The following CCDC83 variants were observed in gnomAD, a reference collection of about 807,000 sequenced individuals.
The protein encoded by CCDC83 is coiled-coil domain containing 83, also known as coiled-coil domain-containing protein 83.
Under a neutral mutation model 50.1 loss-of-function variants are expected in CCDC83, and 54 were observed. The observed-to-expected ratio is 1.08, with a 90% confidence interval of 0.87 to 1.35. The LOEUF (loss-of-function observed/expected upper bound fraction) is 1.35. CCDC83 is among the 40% of genes most tolerant of loss of function. The pLI is 0.00. For synonymous variants in CCDC83, 161 were observed against 153.3 expected, an observed-to-expected ratio of 1.05 and a Z score of -0.37; for missense variants, 518 against 473.9, an observed-to-expected ratio of 1.09 and a Z score of -0.86.
Position 85,898,981 on chromosome 11 carries a change from T to C in CCDC83, c.638T>C (p.Leu213Pro), listed in dbSNP as rs2093387971. The C allele has an allele frequency of 6.2e-7, 1 of 1,612,662 alleles. No homozygotes were observed. Among genetic ancestry groups the C allele is most frequent in the Non-Finnish European group, 8.5e-7 (1 of 1,179,112 alleles). The change falls in exon 7 of 11, where the codon CTA (leucine) becomes CCA (proline). Residue 213 changes from leucine (L) to proline (P), a missense_variant. Coordinates refer to ENST00000342404, the MANE Select transcript of CCDC83 (RefSeq NM_001286159.2). Reference protein sequence around the residue: ...AVKLIDKGSYLEIWENDWLKK... With the variant: ...AVKLIDKGSYPEIWENDWLKK... ...AAGCTCATTGACAAGGGCAGTTATC[T>C]AGAGATCTGGGAGAATGACTGGCTC... is the stretch of plus-strand genomic sequence containing the variant.
At chr11:85,893,043 TAGG>T (rs1040092952) in intron 5 of CCDC83, among the ~76,000 whole-genome samples, 2 of 152,106 alleles carry the variant, frequency 1.3e-5, no homozygotes, top group African/African-American at 4.8e-5. Context: ...CCCCACAAGT[TAGG>T]AGAACTCTCC....
chr11:85,915,189 G>T (rs890286577), intron 8 of CCDC83, among the ~76,000 whole-genome samples: 1 of 152,072 alleles, frequency 6.6e-6, no homozygotes, highest in Admixed American at 6.6e-5. Context: ...GCTTCTTTCT[G>T]CATCCCATTA....
intron 3 of CCDC83, among the ~76,000 whole-genome samples, chr11:85,876,478 T>C (rs1323530632): frequency 3.9e-5 from 6 of 152,176 alleles, no homozygotes; most frequent in Admixed American, 2.6e-4. Context: ...TGGAACTCTC[T>C]GCTCTGTTTT....
intron 5 of CCDC83, among the ~76,000 whole-genome samples, chr11:85,890,565 C>T (rs2093346690): frequency 1.3e-5 from 2 of 152,192 alleles, no homozygotes; most frequent in Non-Finnish European, 2.9e-5. Flanking sequence ...AATGGGGAAG[C>T]TTGTCCTCCA....
intron 1 of CCDC83, among the ~76,000 whole-genome samples, chr11:85,857,260 T>C (rs1348752208): frequency 6.6e-6 from 1 of 152,158 alleles, no homozygotes; most frequent in Non-Finnish European, 1.5e-5. Context: ...ATAGGACCCA[T>C]GGAGATGGCC....
At chr11:85,899,516 C>G (rs1446473764) in intron 7 of CCDC83, among the ~76,000 whole-genome samples, 1 of 152,192 alleles carries the variant, frequency 6.6e-6, no homozygotes. Context: ...CCTCATCTGT[C>G]TAGAAAACTC....
chr11:85,918,545 T>C (rs1217525484), intron 10 of CCDC83, among the ~76,000 whole-genome samples: 3 of 152,244 alleles, frequency 2.0e-5, no homozygotes, highest in African/African-American at 7.2e-5. Flanking sequence ...TTCATATCAG[T>C]TAGACTTCAA....
At chr11:85,878,663 A>G (rs969512260) in intron 3 of CCDC83, among the ~76,000 whole-genome samples, 3 of 152,246 alleles carry the variant, frequency 2.0e-5, no homozygotes, top group Admixed American at 2.0e-4. Flanking sequence ...ATTTTTAAGA[A>G]CAAAAGTTTT....
At position 85,919,550 on chromosome 11, in the gene CCDC83, A is replaced by T; in HGVS notation, c.*40A>T. 2.7e-6 allele frequency: 4 copies of T among 1,508,726 alleles called. No individual in the cohort carries two copies. Among genetic ancestry groups the T allele is most frequent in the Non-Finnish European group, 3.6e-6 (4 of 1,104,156 alleles). The allele number at this position is 1,508,726 out of a possible 1,614,324, so 93.5% of individuals were successfully genotyped here. A position where few individuals can be genotyped will look rare whatever the true frequency, so the allele number is the denominator to read the frequency against. On this transcript the variant is annotated 3_prime_UTR_variant, in exon 11 of 11. Coordinates refer to ENST00000342404, the MANE Select transcript of CCDC83 (RefSeq NM_001286159.2). ...AAGGAAACACAACTTTTCCTTATAA[A>T]TGTTCTTTGGGAACTGAAGTATATC... is the stretch of plus-strand genomic sequence containing the variant.
intron 6 of CCDC83, among the ~76,000 whole-genome samples, chr11:85,896,792 C>T (rs1444405758): frequency 6.7e-6 from 1 of 149,492 alleles, no homozygotes; most frequent in Admixed American, 6.6e-5. Context: ...ATCTTGACCT[C>T]TCTTCAAACT....
intron 7 of CCDC83, among the ~76,000 whole-genome samples, chr11:85,908,752 CA>C (rs60768638): frequency 0.32 from 43,643 of 136,098 alleles, 7,105 homozygotes; most frequent in African/African-American, 0.45. Context: ...AAAAAAATAC[CA>C]AAAAAAAAAA....
rs544924077 is a variant in CCDC83, at chr11:85,895,275, T to C, written c.512-18T>C. On this transcript the variant is annotated intron_variant, in intron 5 of 10. Coordinates refer to ENST00000342404, the MANE Select transcript of CCDC83 (RefSeq NM_001286159.2). ...AGGCTTTTAATTTTCTTTTTTTTTT[T>C]TTTTTTTTTTTTTAAAGAACACTAT... is the stretch of plus-strand genomic sequence containing the variant. 4 of 765,856 alleles carry C rather than the reference T, an allele frequency of 5.2e-6. No homozygotes were observed. Among genetic ancestry groups the C allele is most frequent in the Admixed American group, 3.7e-5 (1 of 27,130 alleles). The allele number at this position is 765,856 out of a possible 1,614,324, so 47.4% of individuals were successfully genotyped here. A position where few individuals can be genotyped will look rare whatever the true frequency, so the allele number is the denominator to read the frequency against.
At chr11:85,877,860 G>C (rs2135018662) in intron 3 of CCDC83, among the ~76,000 whole-genome samples, 1 of 152,244 alleles carries the variant, frequency 6.6e-6, no homozygotes, top group African/African-American at 2.4e-5. Flanking sequence ...AAGTGGAAAA[G>C]TCCATATTAA....
At chr11:85,861,575 T>G (rs1472751050) in intron 1 of CCDC83, among the ~76,000 whole-genome samples, 4 of 152,206 alleles carry the variant, frequency 2.6e-5, no homozygotes, top group Non-Finnish European at 2.9e-5. Context: ...TGTAAAACAT[T>G]AGCTATCAAA....
At position 85,919,453 on chromosome 11, in the gene CCDC83, A is replaced by G. The variant is rs765127939; in HGVS notation, c.1185A>G (p.Lys395=). 1 of 1,612,756 alleles carries G rather than the reference A, an allele frequency of 6.2e-7. No individual in the cohort carries two copies. The part of the protein sequence containing the change: ...QEKEIPVKLY[K]DVRSPESHIT... ...AGGAAATTCCAGTCAAACTCTATAA[A>G]GATGTCAGGAGCCCAGAAAGCCACA... is the stretch of plus-strand genomic sequence containing the variant. Residue 395 remains lysine, a synonymous_variant, in exon 11 of 11, where the codon AAA becomes AAG. Transcript: ENST00000342404.
At chr11:85,868,988 T>G (rs75605851) in intron 2 of CCDC83, among the ~76,000 whole-genome samples, 21,404 of 152,224 alleles carry the variant, frequency 0.14, 1,819 homozygotes, top group Middle Eastern at 0.2. Context: ...AGCTCAGAGT[T>G]TCTTTGTTGA....
intron 5 of CCDC83, among the ~76,000 whole-genome samples, chr11:85,892,761 T>C (rs1010664985): frequency 2.6e-5 from 4 of 152,180 alleles, no homozygotes; most frequent in Non-Finnish European, 5.9e-5. Flanking sequence ...GCTGATGGGC[T>C]AGGGTAAATT....
chr11:85,860,528 C>T (rs550423200), intron 1 of CCDC83, among the ~76,000 whole-genome samples: 5 of 152,246 alleles, frequency 3.3e-5, no homozygotes, highest in African/African-American at 1.2e-4. Flanking sequence ...AAAGGGAACA[C>T]TTATACACTG....
chr11:85,919,450 T>C lies in CCDC83; in HGVS notation c.1182T>C (p.Tyr394=). The C allele has an allele frequency of 6.2e-7, 1 of 1,613,018 alleles. No homozygotes were observed. The highest frequency in any genetic ancestry group is 8.5e-7 in the Non-Finnish European group (1 of 1,179,142). ...AGAAGGAAATTCCAGTCAAACTCTA[T>C]AAAGATGTCAGGAGCCCAGAAAGCC... ...FQEKEIPVKL[Y]KDVRSPESHI... is the part of the protein sequence containing the mutation. The change falls in exon 11 of 11, where the codon TAT becomes TAC. Residue 394 remains tyrosine (Y), a synonymous_variant. Coordinates refer to ENST00000342404, the MANE Select transcript of CCDC83 (RefSeq NM_001286159.2).
Sources: allele counts gnomAD v4.1 joint callset (sites outside exome capture counted in the v4.1 genomes callset), GRCh38; gene constraint gnomAD v4.1.1; transcripts MANE v1.5; gene names NCBI Gene and HGNC (gene_info 2026-07-23, HGNC 2026-07-21).